The following MYO1D variants were observed in gnomAD, a reference collection of about 807,000 sequenced individuals.
The protein encoded by MYO1D is myosin ID.
A neutral mutation model predicts 122.0 loss-of-function variants in MYO1D; 83 were observed. That is an observed-to-expected ratio of 0.68 (90% CI 0.57 to 0.82). The LOEUF (loss-of-function observed/expected upper bound fraction) is 0.82. Ranked by LOEUF, MYO1D falls within the 40% of genes least tolerant of loss-of-function variation. The probability of loss-of-function intolerance (pLI) is 0.00; values close to 1 mark genes in which losing one functional copy is unlikely to be tolerated. For missense variants in MYO1D, 1,157 were observed against 1,269.5 expected (o/e 0.91, Z 1.35); for synonymous variants, 464 against 446.9 (o/e 1.04, Z -0.48).
chr17:32,578,037 C>T (rs2087295434), intron 21 of MYO1D, among the ~76,000 whole-genome samples: 1 of 152,186 alleles, frequency 6.6e-6, no homozygotes, highest in South Asian at 2.1e-4. Flanking sequence ...CCGCGCCCAG[C>T]CTCAGAAACA....
At chr17:32,805,544 G>GT in intron 1 of MYO1D, among the ~76,000 whole-genome samples, 1 of 152,146 alleles carries the variant, frequency 6.6e-6, no homozygotes, top group South Asian at 2.1e-4. Context: ...ATTGAGTTTG[G>GT]TTTTGAAGCC....
intron 5 of MYO1D, 81 bp downstream of exon 5, chr17:32,772,708 C>A: frequency 8.4e-7 from 1 of 1,187,144 alleles, no homozygotes; most frequent in Non-Finnish European, 1.3e-6. Flanking sequence ...ATGCATAGGA[C>A]AGGGGAAAGC....
intron 1 of MYO1D, among the ~76,000 whole-genome samples, chr17:32,812,326 T>A (rs2090579304): frequency 6.6e-6 from 1 of 152,236 alleles, no homozygotes; most frequent in African/African-American, 2.4e-5. Flanking sequence ...GTTTTTTATG[T>A]GCTAGGCACA....
At chr17:32,523,596 A>G (rs145821717) in intron 21 of MYO1D, among the ~76,000 whole-genome samples, 56 of 152,260 alleles carry the variant, frequency 3.7e-4, no homozygotes, top group African/African-American at 1.3e-3. Flanking sequence ...GGAGCTTTAC[A>G]ATCGAGTGCC....
At chr17:32,579,535 A>T (rs144470049) in intron 21 of MYO1D, among the ~76,000 whole-genome samples, 84 of 152,288 alleles carry the variant, frequency 5.5e-4, no homozygotes, top group Non-Finnish European at 8.8e-4. Flanking sequence ...TAAACTCCAC[A>T]TATTTAAGGT....
At chr17:32,685,912 A>G (rs927143562) in intron 16 of MYO1D, among the ~76,000 whole-genome samples, 8 of 152,246 alleles carry the variant, frequency 5.3e-5, no homozygotes, top group African/African-American at 1.9e-4. Context: ...CCAATGCGAT[A>G]TAAATTGGAT....
chr17:32,549,465 G>A (rs1180561353), intron 21 of MYO1D, among the ~76,000 whole-genome samples: 1 of 152,170 alleles, frequency 6.6e-6, no homozygotes, highest in Non-Finnish European at 1.5e-5. Flanking sequence ...GCCACCTTCT[G>A]AAAATGTTAG....
At chr17:32,601,258 CTG>C (rs779141510) in intron 21 of MYO1D, among the ~76,000 whole-genome samples, 15 of 152,216 alleles carry the variant, frequency 9.9e-5, no homozygotes, top group Non-Finnish European at 2.2e-4. Flanking sequence ...TTAAAATAAA[CTG>C]AGAGATGTGT....
intron 1 of MYO1D, among the ~76,000 whole-genome samples, chr17:32,833,323 T>C (rs909283421): frequency 1.3e-5 from 2 of 152,202 alleles, no homozygotes; most frequent in African/African-American, 4.8e-5. Flanking sequence ...CGAGAATCCA[T>C]CTATCTTCAA....
chr17:32,688,316 C>T (rs574535081), intron 16 of MYO1D, among the ~76,000 whole-genome samples: 56 of 152,270 alleles, frequency 3.7e-4, no homozygotes, highest in African/African-American at 1.3e-3. Context: ...AATAGATATG[C>T]CCACACCATC....
chr17:32,500,289 C>A (rs531712408), intron 21 of MYO1D, among the ~76,000 whole-genome samples: 1 of 152,330 alleles, frequency 6.6e-6, no homozygotes, highest in African/African-American at 2.4e-5. Flanking sequence ...CTCACTGCAG[C>A]CTCATGAATG....
chr17:32,560,885 G>A (rs1452733466), intron 21 of MYO1D, among the ~76,000 whole-genome samples: 2 of 150,144 alleles, frequency 1.3e-5, no homozygotes, highest in South Asian at 2.1e-4. Flanking sequence ...CCCAAAGTGC[G>A]AGGATTACAG....
chr17:32,607,008 A>T (rs1281237427), intron 20 of MYO1D, among the ~76,000 whole-genome samples: 2 of 152,092 alleles, frequency 1.3e-5, no homozygotes, highest in Admixed American at 1.3e-4. Context: ...AAAAATACAA[A>T]AATTAGCCAG....
intron 21 of MYO1D, among the ~76,000 whole-genome samples, chr17:32,527,917 C>G (rs2150871374): frequency 6.7e-6 from 1 of 150,074 alleles, no homozygotes; most frequent in South Asian, 2.1e-4. Context: ...TGGCTCATTG[C>G]AATCTCTGCC....
chr17:32,764,844 A>C, intron 8 of MYO1D, 34 bp downstream of exon 8: 2 of 1,607,744 alleles, frequency 1.2e-6, no homozygotes, highest in Non-Finnish European at 1.7e-6. Flanking sequence ...ACTGCGATCA[A>C]CACCAGGTGA....
At chr17:32,650,340 A>T (rs988731841) in intron 19 of MYO1D, among the ~76,000 whole-genome samples, 3 of 152,118 alleles carry the variant, frequency 2.0e-5, no homozygotes, top group African/African-American at 7.2e-5. Context: ...TATTACTGGT[A>T]TTGAGCAATT....
At chr17:32,846,246 T>C (rs1567669766) in intron 1 of MYO1D, among the ~76,000 whole-genome samples, 1 of 152,234 alleles carries the variant, frequency 6.6e-6, no homozygotes, top group South Asian at 2.1e-4. Context: ...GCTTTGGTCT[T>C]AACCTCTGAA....
chr17:32,656,124 C>T (rs2088473935), intron 17 of MYO1D, among the ~76,000 whole-genome samples: 2 of 152,190 alleles, frequency 1.3e-5, no homozygotes, highest in African/African-American at 4.8e-5. Flanking sequence ...TATATCCTCT[C>T]TTCTGCCACA....
chr17:32,732,947 T>C (rs561999232), intron 14 of MYO1D, among the ~76,000 whole-genome samples: 6 of 152,188 alleles, frequency 3.9e-5, no homozygotes, highest in African/African-American at 1.2e-4. Flanking sequence ...GTGCCAGCCA[T>C]GGAAGCTGCT....
Sources: allele counts gnomAD v4.1 joint callset (sites outside exome capture counted in the v4.1 genomes callset), GRCh38; gene constraint gnomAD v4.1.1; transcripts MANE v1.5; gene names NCBI Gene and HGNC (gene_info 2026-07-23, HGNC 2026-07-21).